PAFAH1B2: variants seen among roughly 807,000 people sequenced by gnomAD.
PAFAH1B2 encodes platelet-activating factor acetylhydrolase IB subunit alpha2.
Under a neutral mutation model 28.0 loss-of-function variants are expected in PAFAH1B2, and 8 were observed. That is an observed-to-expected ratio of 0.29 (90% CI 0.17 to 0.52). The LOEUF is 0.52. Ranked by LOEUF, PAFAH1B2 falls within the 20% of genes least tolerant of loss-of-function variation. The pLI is 0.97. For synonymous variants in PAFAH1B2, 104 were observed against 103.2 expected, an observed-to-expected ratio of 1.01 and a Z score of -0.05; for missense variants, 190 against 282.6, an observed-to-expected ratio of 0.67 and a Z score of 2.35.
downstream of PAFAH1B2, chr11:117,171,692 C>T (rs186808413): frequency 9.3e-3 from 14,252 of 1,535,014 alleles, 86 homozygotes; most frequent in Non-Finnish European, 0.011. Flanking sequence ...GTTAACTGGT[C>T]GATCGGGACC....
intron 2 of PAFAH1B2, 178 bp from the exon 3 acceptor site, chr11:117,159,756 G>T: frequency 8.1e-6 from 4 of 492,370 alleles, no homozygotes; most frequent in East Asian, 3.1e-5. Context: ...AAAAAAGAAA[G>T]AAAAAAGTTG....
chr11:117,160,806 A>C, intron 3 of PAFAH1B2, among the ~76,000 whole-genome samples: 1 of 149,176 alleles, frequency 6.7e-6, no homozygotes, highest in African/African-American at 2.5e-5. Context: ...AAGCTCTAGC[A>C]CTCTAAATTT....
At chr11:117,160,064 GTATA>G in intron 3 of PAFAH1B2, 41 bp downstream of exon 3, 1 of 1,318,160 alleles carries the variant, frequency 7.6e-7, no homozygotes, top group Non-Finnish European at 1.1e-6. Flanking sequence ...GGCTACTCAT[GTATA>G]TCCATTCATT....
At position 117,170,475 on chromosome 11, in the gene PAFAH1B2, CG is replaced by C; in HGVS notation, c.*2778del. 9.4e-7 allele frequency: 1 copy of C among 1,060,196 alleles called. No homozygotes were observed. The highest frequency in any genetic ancestry group is 1.1e-6 in the Non-Finnish European group (1 of 876,552). The allele number at this position is 1,060,196 out of a possible 1,614,324, so 65.7% of individuals were successfully genotyped here. ...GGCTGTCTTCCAGTCCATGTGTTCT[CG>C]GTCGCCGTAGACAGCGCTCTGGCTA... is the stretch of plus-strand genomic sequence containing the variant. On this transcript the variant is annotated 3_prime_UTR_variant, in exon 6 of 6. Transcript: ENST00000527958.
At position 117,167,666 on chromosome 11, in the gene PAFAH1B2, A is replaced by G. The variant is rs1249141222; in HGVS notation, c.657A>G (p.Glu219=). The change falls in exon 6 of 6, where the codon GAA becomes GAG. Residue 219 remains glutamate, a synonymous_variant. Coordinates refer to ENST00000527958, the MANE Select transcript of PAFAH1B2 (RefSeq NM_002572.4). ...AACTGATCATGCAGTTGTTGGAGGAAACACCTGAGGAGAAACAAACCACCA... is the reference window on the plus strand; with the variant it reads ...AACTGATCATGCAGTTGTTGGAGGAGACACCTGAGGAGAAACAAACCACCA... ...LHELIMQLLE[E]TPEEKQTTIA The G allele has an allele frequency of 1.9e-6, 3 of 1,572,340 alleles. No individual in the cohort carries two copies. Among genetic ancestry groups the G allele is most frequent in the African/African-American group, 1.3e-5 (1 of 74,360 alleles).
chr11:117,162,447 A>ATT (rs11463525), intron 4 of PAFAH1B2, among the ~76,000 whole-genome samples: 4,436 of 143,170 alleles, frequency 0.031, 91 homozygotes, highest in Non-Finnish European at 0.045. Flanking sequence ...CGAGACTGTG[A>ATT]TTTTTTTTTT....
downstream of PAFAH1B2, among the ~76,000 whole-genome samples, chr11:117,173,159 A>C (rs1217295652): frequency 6.6e-6 from 1 of 152,232 alleles, no homozygotes; most frequent in African/African-American, 2.4e-5. Context: ...TGTTTCCTGG[A>C]AAGCTCTGAT....
rs1956633767 is a variant in PAFAH1B2 at position 117,170,726 on chromosome 11, CTGTGG to C, written c.*3031_*3035del. ...GCTAAAGCCTGAAATATTGTCTGTG[CTGTGG>C]TGTATGAGCATTGCCAACTTTATAT... is the stretch of plus-strand genomic sequence containing the variant. On this transcript the variant is annotated 3_prime_UTR_variant, in exon 6 of 6. Coordinates refer to ENST00000527958, the MANE Select transcript of PAFAH1B2 (RefSeq NM_002572.4). The C allele has an allele frequency of 5.7e-6, 6 of 1,048,538 alleles. No homozygotes were observed. Among genetic ancestry groups the C allele is most frequent in the Non-Finnish European group, 5.7e-6 (5 of 869,714 alleles). 65.0% of individuals were successfully genotyped at this position (1,048,538 alleles called of 1,614,324 possible).
chr11:117,150,011 CA>C (rs919925442), intron 1 of PAFAH1B2, among the ~76,000 whole-genome samples: 1 of 150,478 alleles, frequency 6.6e-6, no homozygotes. Flanking sequence ...ACCTCAAAAA[CA>C]AAAAAAAGAC....
intron 5 of PAFAH1B2, among the ~76,000 whole-genome samples, chr11:117,165,772 G>T (rs553449951): frequency 7.2e-5 from 11 of 152,176 alleles, no homozygotes; most frequent in African/African-American, 2.6e-4. Context: ...GAGCAGAGGA[G>T]GCTGCATAAA....
rs746249453 is a variant in PAFAH1B2 at position 117,171,037 on chromosome 11, T to C, written c.*3338T>C. On this transcript the variant is annotated 3_prime_UTR_variant, in exon 6 of 6. Transcript: ENST00000527958. ...TATATTTCAATATAAATGTAAACAT[T>C]TTGCTCAATTTGCTGGTGTCTTTCT... 38 of 1,030,090 alleles carry C rather than the reference T, an allele frequency of 3.7e-5. No homozygotes were observed. Among genetic ancestry groups the C allele is most frequent in the Non-Finnish European group, 4.2e-5 (36 of 856,846 alleles). 63.8% of individuals were successfully genotyped at this position (1,030,090 alleles called of 1,614,324 possible). A position where few individuals can be genotyped will look rare whatever the true frequency, so the allele number is the denominator to read the frequency against.
intron 1 of PAFAH1B2, among the ~76,000 whole-genome samples, chr11:117,145,274 G>C (rs1466544948): frequency 6.6e-6 from 1 of 152,144 alleles, no homozygotes; most frequent in East Asian, 1.9e-4. Flanking sequence ...TCATGCTTCT[G>C]CTTTTCATAG....
At chr11:117,153,548 G>C (rs10790174) in intron 2 of PAFAH1B2, among the ~76,000 whole-genome samples, 1 of 151,830 alleles carries the variant, frequency 6.6e-6, no homozygotes, top group South Asian at 2.1e-4. Context: ...CCGCCACCAC[G>C]CTCAGCTAAT....
downstream of PAFAH1B2, chr11:117,175,824 G>C (rs1225728566): frequency 1.3e-5 from 17 of 1,335,436 alleles, no homozygotes; most frequent in East Asian, 4.0e-4. Context: ...CCAGCTACTC[G>C]AGAGGCTGTG....
chr11:117,152,819 T>G (rs1565263014), intron 2 of PAFAH1B2, among the ~76,000 whole-genome samples: 1 of 152,326 alleles, frequency 6.6e-6, no homozygotes, highest in East Asian at 1.9e-4. Flanking sequence ...ACGCCTATAA[T>G]CCCAACACTT....
At chr11:117,155,810 A>G (rs953137176) in intron 2 of PAFAH1B2, among the ~76,000 whole-genome samples, 2 of 152,040 alleles carry the variant, frequency 1.3e-5, no homozygotes, top group African/African-American at 4.8e-5. Flanking sequence ...TTGCTTAAGC[A>G]CAGGAGTTCA....
In PAFAH1B2 at chr11:117,169,735, A is replaced by C; in HGVS notation, c.*2036A>C. 3.8e-6 allele frequency: 4 copies of C among 1,057,948 alleles called. No individual in the cohort carries two copies. Among genetic ancestry groups the C allele is most frequent in the Non-Finnish European group, 4.6e-6 (4 of 874,834 alleles). The allele number at this position is 1,057,948 out of a possible 1,614,324, so 65.5% of individuals were successfully genotyped here. ...TAGTAGCCCAGGTTGAGTTTTTCAC[A>C]AGAGATTTTTTTCTTAGCTGAGGTA... On this transcript the variant is annotated 3_prime_UTR_variant, in exon 6 of 6. Coordinates refer to ENST00000527958, the MANE Select transcript of PAFAH1B2 (RefSeq NM_002572.4).
intron 1 of PAFAH1B2, among the ~76,000 whole-genome samples, chr11:117,150,070 T>G (rs1275542626): frequency 6.6e-6 from 1 of 152,198 alleles, no homozygotes; most frequent in Admixed American, 6.6e-5. Context: ...TTTAATTTGA[T>G]TTAAGCCTAG....
chr11:117,172,381 TATATATATATATATATATATATA>T (rs1956681130), downstream of PAFAH1B2, among the ~76,000 whole-genome samples: 694 of 5,102 alleles, frequency 0.14, 14 homozygotes, highest in East Asian at 0.27. Flanking sequence ...TATATATATA[TATATATATATATATATATATATA>T]TTTTTTTTTT....
Sources: gnomAD v4.1 joint callset for allele counts (sites outside exome capture counted in the v4.1 genomes callset) on GRCh38, gnomAD v4.1.1 for gene constraint, MANE v1.5 for transcripts, NCBI Gene and HGNC (gene_info 2026-07-23, HGNC 2026-07-21) for gene names.